Variants in SPAG16 observed in about 807,000 individuals in gnomAD.
SPAG16 encodes the protein sperm-associated antigen 16 protein.
A neutral mutation model predicts 80.4 loss-of-function variants in SPAG16; 86 were observed. The observed-to-expected ratio is 1.07, with a 90% CI of 0.90 to 1.28. SPAG16 has a LOEUF of 1.28. Ranked by LOEUF, SPAG16 falls within the 50% of genes most tolerant of loss-of-function variation. The probability of loss-of-function intolerance (pLI) is 0.00; values close to 1 mark genes in which losing one functional copy is unlikely to be tolerated. For synonymous variants in SPAG16, 294 were observed against 265.9 expected (o/e 1.11, Z -1.03); for missense variants, 870 against 765.3 (o/e 1.14, Z -1.61).
intron 13 of SPAG16, among the ~76,000 whole-genome samples, chr2:214,029,559 A>T (rs2048310372): frequency 6.6e-6 from 1 of 152,100 alleles, no homozygotes; most frequent in Non-Finnish European, 1.5e-5. Flanking sequence ...ATGACAATGG[A>T]TGGGACCAGA....
At chr2:213,900,192 T>A (rs1054339365) in intron 11 of SPAG16, among the ~76,000 whole-genome samples, 2 of 152,064 alleles carry the variant, frequency 1.3e-5, no homozygotes, top group Non-Finnish European at 2.9e-5. Context: ...TTTTTACCAG[T>A]TCAGCTCAGA....
chr2:214,078,855 A>T (rs2051217556), intron 13 of SPAG16, among the ~76,000 whole-genome samples: 1 of 152,198 alleles, frequency 6.6e-6, no homozygotes, highest in African/African-American at 2.4e-5. Context: ...TGATTTCCTT[A>T]CAAGGAATAT....
intron 15 of SPAG16, among the ~76,000 whole-genome samples, chr2:214,185,518 A>G (rs1316575090): frequency 6.6e-6 from 1 of 152,186 alleles, no homozygotes; most frequent in African/African-American, 2.4e-5. Context: ...CAGAATGATG[A>G]TGAGATAAAC....
chr2:213,805,663 C>T (rs1345396175), intron 10 of SPAG16, among the ~76,000 whole-genome samples: 1 of 152,104 alleles, frequency 6.6e-6, no homozygotes, highest in Non-Finnish European at 1.5e-5. Flanking sequence ...GAGAAACAAA[C>T]CTTCTGATGT....
intron 8 of SPAG16, among the ~76,000 whole-genome samples, chr2:213,373,996 A>G (rs1341078993): frequency 6.6e-6 from 1 of 152,142 alleles, no homozygotes; most frequent in African/African-American, 2.4e-5. Flanking sequence ...TCTAGACTTC[A>G]GTATCCTAGA....
chr2:214,200,818 A>G (rs1454744839), intron 15 of SPAG16, among the ~76,000 whole-genome samples: 2 of 152,224 alleles, frequency 1.3e-5, no homozygotes, highest in East Asian at 1.9e-4. Context: ...TACACAGACA[A>G]TATTACTTAA....
chr2:214,028,945 T>A (rs1224160004), intron 13 of SPAG16, among the ~76,000 whole-genome samples: 1 of 152,086 alleles, frequency 6.6e-6, no homozygotes, highest in African/African-American at 2.4e-5. Flanking sequence ...ATACAATTTT[T>A]TTTTAAAGAC....
At chr2:213,286,192 A>G (rs1406099242) in intron 1 of SPAG16, among the ~76,000 whole-genome samples, 1 of 152,192 alleles carries the variant, frequency 6.6e-6, no homozygotes, top group East Asian at 1.9e-4. Flanking sequence ...TTGAACTTTA[A>G]CACATATAAG....
rs2072258856 is a variant in SPAG16, at chr2:213,459,857, T to C, written c.943-30106T>C. ...TACTTGCTTTTAAATGGAGTGTTAT[T>C]CCACATAACCTTGTTCATCATTACT... On this transcript the variant is annotated intron_variant, in intron 9 of 15. Coordinates refer to ENST00000331683, the MANE Select transcript of SPAG16 (RefSeq NM_024532.5). 2.6e-5 allele frequency among the ~76,000 whole-genome samples: 4 copies of C among 152,372 alleles called. No individual in the cohort carries two copies. The South Asian group carries it at 8.3e-4, about 32-fold the overall frequency.
chr2:213,621,666 G>A (rs905074769), intron 10 of SPAG16, among the ~76,000 whole-genome samples: 16 of 152,156 alleles, frequency 1.1e-4, no homozygotes, highest in African/African-American at 9.7e-5. Flanking sequence ...ATGTGGTATA[G>A]GATAGATTAT....
intron 11 of SPAG16, among the ~76,000 whole-genome samples, chr2:213,878,463 T>C (rs2076222661): frequency 6.6e-6 from 1 of 152,032 alleles, no homozygotes; most frequent in Admixed American, 6.6e-5. Flanking sequence ...GGAAAATATC[T>C]ATTCATTTTC....
intron 15 of SPAG16, among the ~76,000 whole-genome samples, chr2:214,247,555 A>G (rs1389199891): frequency 6.6e-6 from 1 of 152,218 alleles, no homozygotes; most frequent in African/African-American, 2.4e-5. Flanking sequence ...CTAATCATAC[A>G]AAGTATGTAG....
intron 10 of SPAG16, among the ~76,000 whole-genome samples, chr2:213,543,124 A>C (rs1278255240): frequency 6.6e-6 from 1 of 152,080 alleles, no homozygotes; most frequent in Non-Finnish European, 1.5e-5. Context: ...ACACACTTTG[A>C]TGAAATGAAC....
chr2:213,911,560 G>A (rs999796465), intron 11 of SPAG16, among the ~76,000 whole-genome samples: 2 of 152,126 alleles, frequency 1.3e-5, no homozygotes, highest in African/African-American at 2.4e-5. Context: ...ACTATGTGTT[G>A]CTAAATATAA....
chr2:214,179,226 G>C (rs1313938674), intron 15 of SPAG16, among the ~76,000 whole-genome samples: 1 of 151,216 alleles, frequency 6.6e-6, no homozygotes, highest in African/African-American at 2.4e-5. Flanking sequence ...CCAATTCTCT[G>C]GTCAATTTTT....
At chr2:213,709,763 G>C (rs2125355205) in intron 10 of SPAG16, among the ~76,000 whole-genome samples, 1 of 152,256 alleles carries the variant, frequency 6.6e-6, no homozygotes, top group African/African-American at 2.4e-5. Flanking sequence ...AAGAGATAGA[G>C]TGGTGACACA....
intron 9 of SPAG16, among the ~76,000 whole-genome samples, chr2:213,382,917 G>T (rs139540939): frequency 1.1e-4 from 16 of 152,262 alleles, no homozygotes; most frequent in African/African-American, 2.4e-4. Context: ...TCATGTAAAG[G>T]CAATTTGGAT....
chr2:213,576,632 A>G (rs1408760670), intron 10 of SPAG16, among the ~76,000 whole-genome samples: 1 of 152,202 alleles, frequency 6.6e-6, no homozygotes, highest in African/African-American at 2.4e-5. Context: ...ACCATGGGAT[A>G]CTATGGAGCC....
At chr2:213,317,598 A>G in intron 5 of SPAG16, 1 of 1,140,364 alleles carries the variant, frequency 8.8e-7, no homozygotes. Flanking sequence ...TACATTTTTT[A>G]TATAACATTC....
Sources: gnomAD v4.1 joint callset for allele counts (sites outside exome capture counted in the v4.1 genomes callset) on GRCh38, gnomAD v4.1.1 for gene constraint, MANE v1.5 for transcripts, NCBI Gene and HGNC (gene_info 2026-07-23, HGNC 2026-07-21) for gene names.